The following PRR16 variants were observed in gnomAD, a reference collection of about 807,000 sequenced individuals.
The protein encoded by PRR16 is proline rich 16, also known as protein Largen.
In PRR16, 6 loss-of-function variants were observed where a neutral mutation model predicts 18.2. The ratio of observed to expected loss-of-function variants is 0.33; its 90% CI spans 0.18 to 0.65. The LOEUF (loss-of-function observed/expected upper bound fraction) is 0.65. PRR16 is among the 30% of genes least tolerant of loss of function. PRR16 has a pLI of 0.74. For missense variants in PRR16, 412 were observed against 376.6 expected, an observed-to-expected ratio of 1.09 and a Z score of -0.78; for synonymous variants, 151 against 147.8, an observed-to-expected ratio of 1.02 and a Z score of -0.16.
At chr5:120,747,598 A>C in the PRR16 span, among the ~76,000 whole-genome samples, 6 of 152,188 alleles carry the variant, frequency 3.9e-5, no homozygotes, top group African/African-American at 1.4e-4. Flanking sequence ...TACCCTTGGC[A>C]TTCTGTACCC....
chr5:120,603,486 T>G (rs1383720822), intron 1 of PRR16, among the ~76,000 whole-genome samples: 3 of 152,188 alleles, frequency 2.0e-5, no homozygotes, highest in Middle Eastern at 3.4e-3. Flanking sequence ...CTATCAATCT[T>G]GCTTATTCTT....
At chr5:120,673,815 C>A (rs569474774) in intron 1 of PRR16, among the ~76,000 whole-genome samples, 104 of 152,084 alleles carry the variant, frequency 6.8e-4, no homozygotes, top group African/African-American at 2.3e-3. Flanking sequence ...ATTAGCCCGG[C>A]ATGGTGGCAC....
At chr5:120,508,904 T>C (rs537081668) in intron 1 of PRR16, among the ~76,000 whole-genome samples, 5 of 152,210 alleles carry the variant, frequency 3.3e-5, no homozygotes, top group African/African-American at 1.2e-4. Context: ...TGTCTGAAAA[T>C]AAATATTTAT....
chr5:120,752,801 TAGTC>T, the PRR16 span, among the ~76,000 whole-genome samples: 1 of 151,890 alleles, frequency 6.6e-6, no homozygotes, highest in East Asian at 1.9e-4. Context: ...TTATTTAGCT[TAGTC>T]AGTGGAAAGC....
At chr5:120,746,105 G>A in the PRR16 span, among the ~76,000 whole-genome samples, 1 of 149,754 alleles carries the variant, frequency 6.7e-6, no homozygotes, top group South Asian at 2.1e-4. Flanking sequence ...ATTTAGATTT[G>A]TTCAATTTTT....
chr5:120,671,425 A>G (rs531565780), intron 1 of PRR16, among the ~76,000 whole-genome samples: 1 of 152,284 alleles, frequency 6.6e-6, no homozygotes, highest in Admixed American at 6.5e-5. Context: ...TGTTATCAGT[A>G]TCAACATTTC....
At chr5:120,640,926 C>T (rs1317138106) in intron 1 of PRR16, among the ~76,000 whole-genome samples, 1 of 152,130 alleles carries the variant, frequency 6.6e-6, no homozygotes, top group East Asian at 1.9e-4. Flanking sequence ...CTCTCAGTGA[C>T]TTGGCTGACT....
chr5:120,618,972 AC>A (rs1554088806), intron 1 of PRR16, among the ~76,000 whole-genome samples: 1 of 152,064 alleles, frequency 6.6e-6, no homozygotes, highest in Non-Finnish European at 1.5e-5. Flanking sequence ...AAAAGTCAGA[AC>A]AAAAAGTGCT....
In PRR16 at chr5:120,651,520, G is replaced by A. The variant is rs552697705; in HGVS notation, c.160-34434G>A. Among the ~76,000 whole-genome samples, 4 of 152,272 alleles carry A rather than the reference G, an allele frequency of 2.6e-5. No homozygotes were observed. The South Asian group carries it at 8.3e-4, about 32-fold the overall frequency. ...TAATTTTCATATAAGGTGTAAGGAA[G>A]GGATCCAGTTTCAGCTTTCTGCATA... On this transcript the variant is annotated intron_variant, in intron 1 of 1. Transcript: ENST00000407149.
At chr5:120,717,641 A>C in the PRR16 span, among the ~76,000 whole-genome samples, 1 of 152,142 alleles carries the variant, frequency 6.6e-6, no homozygotes, top group Non-Finnish European at 1.5e-5. Context: ...ATGGCATTTG[A>C]CTTTTAAAAG....
At chr5:120,635,893 C>T (rs993010832) in intron 1 of PRR16, among the ~76,000 whole-genome samples, 1 of 152,074 alleles carries the variant, frequency 6.6e-6, no homozygotes, top group Non-Finnish European at 1.5e-5. Flanking sequence ...CAAAAAGCTT[C>T]TAGAACTGGT....
intron 1 of PRR16, among the ~76,000 whole-genome samples, chr5:120,575,399 TCCTCAACAAAATACTA>T (rs1407651101): frequency 1.7e-4 from 23 of 134,242 alleles, no homozygotes; most frequent in African/African-American, 6.0e-4. Flanking sequence ...ATGAAAAAAA[TCCTCAACAAAATACTA>T]GCTAGCAAAC....
At chr5:120,508,962 A>AG (rs1005649521) in intron 1 of PRR16, among the ~76,000 whole-genome samples, 14 of 151,644 alleles carry the variant, frequency 9.2e-5, no homozygotes, top group South Asian at 4.2e-4. Context: ...TAGTTGGGTG[A>AG]GGGGGGGGAT....
chr5:120,587,702 A>G (rs983827892), intron 1 of PRR16, among the ~76,000 whole-genome samples: 1 of 152,212 alleles, frequency 6.6e-6, no homozygotes, highest in African/African-American at 2.4e-5. Flanking sequence ...CACCTGGTCA[A>G]CTAAGAACTC....
rs773403875 is a variant in PRR16 at position 120,535,099 on chromosome 5, G to GTGTGTGT, written c.159+70459_159+70460insGTTGTGT. ...CACGTGTGTGTGTGTGTGTGTGTGT[G>GTGTGTGT]TGTGTAAAAGCCTATGTGAGGATGC... On this transcript the variant is annotated intron_variant, in intron 1 of 1. Transcript: ENST00000407149. 2.7e-4 allele frequency among the ~76,000 whole-genome samples: 41 copies of GTGTGTGT among 151,954 alleles called. No homozygotes were observed. The South Asian group carries it at 4.0e-3, about 15-fold the overall frequency.
At chr5:120,549,535 C>G (rs1372919486) in intron 1 of PRR16, among the ~76,000 whole-genome samples, 4 of 151,992 alleles carry the variant, frequency 2.6e-5, no homozygotes, top group Non-Finnish European at 5.9e-5. Context: ...CCTTCTTTAT[C>G]TCTGGTCTTT....
At chr5:120,543,467 G>A (rs574641751) in intron 1 of PRR16, among the ~76,000 whole-genome samples, 2 of 152,184 alleles carry the variant, frequency 1.3e-5, no homozygotes, top group African/African-American at 4.8e-5. Flanking sequence ...TCTAGATATT[G>A]CAGTGTAACT....
intron 1 of PRR16, among the ~76,000 whole-genome samples, chr5:120,511,150 A>C (rs959042332): frequency 3.9e-5 from 6 of 152,176 alleles, no homozygotes; most frequent in Non-Finnish European, 5.9e-5. Context: ...ATTTTTAGCT[A>C]TCTGATTTTC....
At chr5:120,650,976 C>A (rs1285714093) in intron 1 of PRR16, among the ~76,000 whole-genome samples, 4 of 152,148 alleles carry the variant, frequency 2.6e-5, no homozygotes, top group Admixed American at 1.3e-4. Context: ...TCTCCACATC[C>A]TCTCCAGCAC....
Sources: gnomAD v4.1 joint callset for allele counts (sites outside exome capture counted in the v4.1 genomes callset) on GRCh38, gnomAD v4.1.1 for gene constraint, MANE v1.5 for transcripts, NCBI Gene and HGNC (gene_info 2026-07-23, HGNC 2026-07-21) for gene names.